DLG2: variants seen among roughly 807,000 people sequenced by gnomAD.
DLG2 encodes the protein discs large MAGUK scaffold protein 2, also known as disks large homolog 2.
DLG2 carries 45 observed loss-of-function variants against 132.5 expected under a neutral mutation model. The observed-to-expected ratio is 0.34, with a 90% CI of 0.27 to 0.44. The LOEUF is 0.44. DLG2 is among the 20% of genes least tolerant of loss of function. The probability of loss-of-function intolerance (pLI) is 1.00; values close to 1 mark genes in which losing one functional copy is unlikely to be tolerated. For synonymous variants in DLG2, 424 were observed against 419.6 expected (o/e 1.01, Z -0.13); for missense variants, 1,045 against 1,196.9 (o/e 0.87, Z 1.87).
chr11:84,388,705 T>TA (rs1200128914), intron 7 of DLG2, among the ~76,000 whole-genome samples: 2 of 150,718 alleles, frequency 1.3e-5, no homozygotes, highest in African/African-American at 2.4e-5. Context: ...ATAAATGTGA[T>TA]AAAAAAGGAA....
intron 3 of DLG2, among the ~76,000 whole-genome samples, chr11:85,534,767 GT>G (rs2075459223): frequency 6.6e-6 from 1 of 152,124 alleles, no homozygotes; most frequent in South Asian, 2.1e-4. Context: ...GGCTCCATGT[GT>G]TTGCTATTGT....
intron 6 of DLG2, among the ~76,000 whole-genome samples, chr11:85,053,891 A>G (rs921689529): frequency 2.7e-4 from 41 of 152,154 alleles, no homozygotes; most frequent in Middle Eastern, 3.4e-3. Context: ...AATATGGGTC[A>G]ATTAACTAAT....
At chr11:85,308,543 C>G (rs2080113114) in intron 3 of DLG2, among the ~76,000 whole-genome samples, 1 of 152,084 alleles carries the variant, frequency 6.6e-6, no homozygotes, top group African/African-American at 2.4e-5. Context: ...TCCAGCAACC[C>G]CTCTCTTGCA....
At chr11:85,177,763 C>T (rs1014771895) in intron 4 of DLG2, among the ~76,000 whole-genome samples, 4 of 152,024 alleles carry the variant, frequency 2.6e-5, no homozygotes, top group Non-Finnish European at 5.9e-5. Context: ...AATCTGGAAG[C>T]TACCTTAACC....
At position 83,825,586 on chromosome 11, in the gene DLG2, C is replaced by T. The variant is rs532579085; in HGVS notation, c.1722+8028G>A. Among the ~76,000 whole-genome samples the T allele has an allele frequency of 1.9e-4, 29 of 152,204 alleles. 1 individual carries two copies. The highest frequency in any genetic ancestry group is 3.4e-3 in the Middle Eastern group (1 of 294). On this transcript the variant is annotated intron_variant, in intron 17 of 27. Transcript: ENST00000376104. Reference sequence around the variant, plus strand: ...GGGCAATTCATGAGTTCTCTGGTCCCTTTTAGATAATGGAGGGTTTTTCCT... The same window carrying T: ...GGGCAATTCATGAGTTCTCTGGTCCTTTTTAGATAATGGAGGGTTTTTCCT...
chr11:83,798,870 G>C (rs1026776527), intron 17 of DLG2, among the ~76,000 whole-genome samples: 6 of 152,174 alleles, frequency 3.9e-5, no homozygotes, highest in Admixed American at 3.9e-4. Context: ...GAGATGCAAC[G>C]AAGTGAAAAT....
intron 11 of DLG2, among the ~76,000 whole-genome samples, chr11:83,995,050 T>C (rs1160760043): frequency 6.6e-6 from 1 of 151,284 alleles, no homozygotes; most frequent in African/African-American, 2.4e-5. Flanking sequence ...TCATCTTAAC[T>C]TGACCGTTAG....
At chr11:84,398,327 A>C (rs546583836) in intron 7 of DLG2, among the ~76,000 whole-genome samples, 1 of 152,262 alleles carries the variant, frequency 6.6e-6, no homozygotes, top group East Asian at 1.9e-4. Context: ...AGAAAGCAAA[A>C]TTGTCAAGAA....
intron 7 of DLG2, among the ~76,000 whole-genome samples, chr11:84,499,139 G>T (rs577644008): frequency 9.9e-5 from 15 of 152,270 alleles, no homozygotes; most frequent in African/African-American, 3.4e-4. Flanking sequence ...CTGAAGTAGG[G>T]AATATCAAAT....
At chr11:85,126,757 G>A (rs144842652) in intron 5 of DLG2, among the ~76,000 whole-genome samples, 15 of 152,254 alleles carry the variant, frequency 9.9e-5, no homozygotes, top group African/African-American at 3.6e-4. Flanking sequence ...CAAAGATAAA[G>A]AAGCTATAGA....
intron 6 of DLG2, among the ~76,000 whole-genome samples, chr11:84,661,925 G>GT (rs781584437): frequency 2.6e-5 from 4 of 152,218 alleles, no homozygotes; most frequent in Admixed American, 6.5e-5. Flanking sequence ...TGAATTAACG[G>GT]TAACAAGACA....
At chr11:83,791,040 G>A in intron 17 of DLG2, 2 of 735,826 alleles carry the variant, frequency 2.7e-6, no homozygotes, top group Non-Finnish European at 4.7e-6. Flanking sequence ...CGCGGTCTCA[G>A]ACTGAAGGTC....
chr11:84,284,095 G>A (rs1164145349), intron 7 of DLG2, among the ~76,000 whole-genome samples: 2 of 152,098 alleles, frequency 1.3e-5, no homozygotes, highest in Non-Finnish European at 2.9e-5. Context: ...TTAGCCAGGC[G>A]TGGTGGTGCA....
chr11:84,661,325 A>G (rs1433753284), intron 6 of DLG2, among the ~76,000 whole-genome samples: 1 of 152,164 alleles, frequency 6.6e-6, no homozygotes, highest in Admixed American at 6.6e-5. Context: ...ATGGATTACA[A>G]AGTCTCAAAT....
chr11:84,108,322 G>T (rs930189541), intron 9 of DLG2, among the ~76,000 whole-genome samples: 1 of 152,168 alleles, frequency 6.6e-6, no homozygotes, highest in Non-Finnish European at 1.5e-5. Context: ...TGATGATCAA[G>T]TCAGGGTACT....
intron 6 of DLG2, among the ~76,000 whole-genome samples, chr11:84,962,972 A>C (rs2052800136): frequency 6.6e-6 from 1 of 152,202 alleles, no homozygotes; most frequent in African/African-American, 2.4e-5. Flanking sequence ...ATCTTGAAGT[A>C]GTTAGAGAGA....
intron 9 of DLG2, among the ~76,000 whole-genome samples, chr11:84,138,688 C>T (rs910556872): frequency 3.3e-5 from 5 of 152,172 alleles, no homozygotes; most frequent in African/African-American, 1.2e-4. Flanking sequence ...GTGGTTCACG[C>T]CCATAATCCC....
At chr11:85,121,899 CAT>C (rs937744459) in intron 5 of DLG2, among the ~76,000 whole-genome samples, 27 of 152,202 alleles carry the variant, frequency 1.8e-4, no homozygotes, top group South Asian at 6.2e-4. Flanking sequence ...TATATGTGCA[CAT>C]GAGTCTATAT....
In DLG2 at chr11:84,307,688, G is replaced by A. The variant is rs1452933045; in HGVS notation, c.520-56397C>T. 1.9e-3 allele frequency among the ~76,000 whole-genome samples: 184 copies of A among 95,188 alleles called. 8 individuals carry two copies. The Middle Eastern group carries it at 0.026, about 13-fold the overall frequency. 62.4% of individuals were successfully genotyped at this position (95,188 alleles called of 152,430 possible). On this transcript the variant is annotated intron_variant, in intron 7 of 27. Coordinates refer to ENST00000376104, the MANE Select transcript of DLG2 (RefSeq NM_001142699.3). Reference sequence around the variant, plus strand: ...TCCGGCCTGGGTGAAAGAGCGAGACGCAGTCTCAAAAAAAAAAAAAAAAAA... The same window carrying A: ...TCCGGCCTGGGTGAAAGAGCGAGACACAGTCTCAAAAAAAAAAAAAAAAAA...
Sources: gnomAD v4.1 joint callset for allele counts (sites outside exome capture counted in the v4.1 genomes callset) on GRCh38, gnomAD v4.1.1 for gene constraint, MANE v1.5 for transcripts, NCBI Gene and HGNC (gene_info 2026-07-23, HGNC 2026-07-21) for gene names.